KCNAB1: variants seen among roughly 807,000 people sequenced by gnomAD.
KCNAB1 encodes the protein potassium voltage-gated channel subfamily A regulatory beta subunit 1.
KCNAB1 carries 35 observed loss-of-function variants against 64.6 expected under a neutral mutation model. The observed-to-expected ratio is 0.54, with a 90% CI of 0.41 to 0.72. The LOEUF (loss-of-function observed/expected upper bound fraction) is 0.72, where lower values mean the gene tolerates loss of function less well. Ranked by LOEUF, KCNAB1 falls within the 30% of genes least tolerant of loss-of-function variation. The probability of loss-of-function intolerance (pLI) is 0.00; values close to 1 mark genes in which losing one functional copy is unlikely to be tolerated. For synonymous variants in KCNAB1, 177 were observed against 183.8 expected, an observed-to-expected ratio of 0.96 and a Z score of 0.30; for missense variants, 401 against 512.9, an observed-to-expected ratio of 0.78 and a Z score of 2.11.
intron 12 of KCNAB1, among the ~76,000 whole-genome samples, chr3:156,527,131 TTC>T (rs1383134018): frequency 1.3e-5 from 2 of 152,152 alleles, no homozygotes; most frequent in African/African-American, 2.4e-5. Context: ...CTTTAATCCT[TTC>T]TTCAAAAAAT....
At chr3:156,170,255 C>T (rs1426258671) in intron 1 of KCNAB1, among the ~76,000 whole-genome samples, 1 of 150,468 alleles carries the variant, frequency 6.6e-6, no homozygotes, top group Non-Finnish European at 1.5e-5. Context: ...GCAACATTTC[C>T]CTGAAAATGT....
At chr3:156,362,615 C>G (rs1342196546) in intron 1 of KCNAB1, among the ~76,000 whole-genome samples, 1 of 152,114 alleles carries the variant, frequency 6.6e-6, no homozygotes, top group Non-Finnish European at 1.5e-5. Flanking sequence ...TGAGTAAATA[C>G]ATGTAAGATG....
chr3:156,461,753 A>G (rs934047940), intron 5 of KCNAB1, among the ~76,000 whole-genome samples: 9 of 152,168 alleles, frequency 5.9e-5, no homozygotes, highest in African/African-American at 4.8e-5. Context: ...AACCTATTTT[A>G]TATACCTTTT....
At chr3:156,337,926 C>G (rs899675520) in intron 1 of KCNAB1, among the ~76,000 whole-genome samples, 9 of 152,216 alleles carry the variant, frequency 5.9e-5, no homozygotes, top group African/African-American at 2.2e-4. Flanking sequence ...CTGTTCCAAA[C>G]ACTGCAGTAT....
chr3:156,118,759 C>A (rs535464389), upstream of KCNAB1, among the ~76,000 whole-genome samples: 1 of 152,152 alleles, frequency 6.6e-6, no homozygotes. Context: ...AGCATAGTGC[C>A]CTTTCCACAG....
intron 1 of KCNAB1, among the ~76,000 whole-genome samples, chr3:156,144,878 G>A (rs1248557780): frequency 1.3e-5 from 2 of 152,186 alleles, no homozygotes; most frequent in African/African-American, 4.8e-5. Context: ...GATCTGTGCT[G>A]TGTGCCAATG....
At chr3:156,228,531 C>T (rs1022440093) in intron 1 of KCNAB1, among the ~76,000 whole-genome samples, 1 of 152,226 alleles carries the variant, frequency 6.6e-6, no homozygotes, top group Admixed American at 6.5e-5. Flanking sequence ...ACTAGCCTGC[C>T]TCTTCGGGGT....
At chr3:156,510,652 C>T (rs1208438991) in intron 8 of KCNAB1, among the ~76,000 whole-genome samples, 1 of 152,242 alleles carries the variant, frequency 6.6e-6, no homozygotes, top group Non-Finnish European at 1.5e-5. Context: ...ATGGCTCCAA[C>T]CTTGCTTGAT....
chr3:156,194,106 A>G (rs1223977427), intron 1 of KCNAB1, among the ~76,000 whole-genome samples: 1 of 152,010 alleles, frequency 6.6e-6, no homozygotes, highest in East Asian at 1.9e-4. Flanking sequence ...ATATATTGCT[A>G]TTAGTTTTAT....
At chr3:156,345,859 A>G (rs140246100) in intron 1 of KCNAB1, among the ~76,000 whole-genome samples, 1 of 152,338 alleles carries the variant, frequency 6.6e-6, no homozygotes, top group African/African-American at 2.4e-5. Context: ...AGCAAAGTAA[A>G]TAAATGAGGA....
chr3:156,409,579 G>T (rs1335758130), intron 1 of KCNAB1, among the ~76,000 whole-genome samples: 1 of 152,148 alleles, frequency 6.6e-6, no homozygotes, highest in Non-Finnish European at 1.5e-5. Flanking sequence ...CCTTTCATGT[G>T]TTTATGGGAA....
intron 1 of KCNAB1, among the ~76,000 whole-genome samples, chr3:156,232,453 C>T (rs887595213): frequency 2.0e-5 from 3 of 152,212 alleles, no homozygotes; most frequent in Non-Finnish European, 4.4e-5. Context: ...CTGATGCTTT[C>T]GCACAGGCAG....
intron 1 of KCNAB1, among the ~76,000 whole-genome samples, chr3:156,382,870 T>G (rs1344919503): frequency 1.3e-5 from 2 of 152,240 alleles, no homozygotes; most frequent in Non-Finnish European, 2.9e-5. Context: ...GCTTGTTACA[T>G]GTCGCTGAGG....
At chr3:156,312,809 A>G (rs1025893068) in intron 1 of KCNAB1, among the ~76,000 whole-genome samples, 3 of 151,828 alleles carry the variant, frequency 2.0e-5, no homozygotes, top group African/African-American at 7.3e-5. Context: ...CTGCAGACTC[A>G]AAAGATGCAG....
chr3:156,537,936 A>ACTT lies in KCNAB1; in HGVS notation c.*1192_*1194dup, dbSNP rs1719168857. On this transcript the variant is annotated 3_prime_UTR_variant, in exon 14 of 14. Transcript: ENST00000490337. ...TGAAAAGCAAAATGTTAAAGAAAGA[A>ACTT]CTTCTGGTTCTATAATCATATTATA... 1 of 152,200 alleles carries ACTT rather than the reference A, an allele frequency of 6.6e-6. No homozygotes were observed. The highest frequency in any genetic ancestry group is 2.4e-5 in the African/African-American group (1 of 41,424). 9.4% of individuals were successfully genotyped at this position (152,200 alleles called of 1,614,324 possible).
chr3:156,135,944 C>A (rs980810934), intron 1 of KCNAB1, among the ~76,000 whole-genome samples: 2 of 152,198 alleles, frequency 1.3e-5, no homozygotes, highest in African/African-American at 4.8e-5. Context: ...AAGCATCATT[C>A]AGATAATCTC....
rs138030230 is a variant in KCNAB1, at chr3:156,232,898, TCATTTTTTTTC to T, written c.275+112013_275+112023del. On this transcript the variant is annotated intron_variant, in intron 1 of 13. Coordinates refer to ENST00000490337, the MANE Select transcript of KCNAB1 (RefSeq NM_172160.3). ...CAGAAATAGTAGAGAAAGTTTTCTT[TCATTTTTTTTC>T]GCTTCCTTTCTGAATTCCTTTCCTT... Among the ~76,000 whole-genome samples, 317 of 152,326 alleles carry T rather than the reference TCATTTTTTTTC, an allele frequency of 2.1e-3. 1 individual carries two copies. Among genetic ancestry groups the T allele is most frequent in the African/African-American group, 7.1e-3 (295 of 41,570 alleles).
At chr3:156,380,449 T>C (rs1712064562) in intron 1 of KCNAB1, among the ~76,000 whole-genome samples, 1 of 152,224 alleles carries the variant, frequency 6.6e-6, no homozygotes. Context: ...GATTTAAGAA[T>C]ACTTAAAACC....
intron 5 of KCNAB1, among the ~76,000 whole-genome samples, chr3:156,463,213 C>T (rs567430129): frequency 2.0e-5 from 3 of 152,312 alleles, no homozygotes; most frequent in African/African-American, 7.2e-5. Flanking sequence ...ATCCATGTTC[C>T]TTGGCAGAGT....
Sources: allele counts gnomAD v4.1 joint callset (sites outside exome capture counted in the v4.1 genomes callset), GRCh38; gene constraint gnomAD v4.1.1; transcripts MANE v1.5; gene names NCBI Gene and HGNC (gene_info 2026-07-23, HGNC 2026-07-21).